Variants in RILPL2 observed in about 807,000 individuals in gnomAD.
RILPL2 encodes Rab interacting lysosomal protein like 2, also known as RILP-like protein 2.
RILPL2 carries 19 observed loss-of-function variants against 22.2 expected under a neutral mutation model. The observed-to-expected ratio is 0.86, with a 90% CI of 0.60 to 1.25. The LOEUF is 1.25. RILPL2 is among the 50% of genes most tolerant of loss of function. The pLI is 0.00. For missense variants in RILPL2, 243 were observed against 263.6 expected (o/e 0.92, Z 0.54); for synonymous variants, 123 against 111.6 (o/e 1.10, Z -0.64).
At chr12:123,425,790 C>T (rs1259654088) in intron 2 of RILPL2, among the ~76,000 whole-genome samples, 4 of 151,832 alleles carry the variant, frequency 2.6e-5, no homozygotes, top group Non-Finnish European at 5.9e-5. Context: ...GCTGGGATTA[C>T]AGGTGCACGC....
At chr12:123,430,979 G>A (rs1477103750) in intron 1 of RILPL2, among the ~76,000 whole-genome samples, 3 of 152,072 alleles carry the variant, frequency 2.0e-5, no homozygotes, top group African/African-American at 7.2e-5. Flanking sequence ...GATTACAGGC[G>A]TGAGCCACCG....
Position 123,436,543 on chromosome 12 carries a change from C to G in RILPL2, c.-123G>C, listed in dbSNP as rs982336434. On this transcript the variant is annotated 5_prime_UTR_variant, in exon 1 of 4. Transcript: ENST00000280571. This position sits in a 1 kb window ranked among gnomAD's most constrained non-coding sequence, Gnocchi z 6.7. ...CCCTACCTGCCCAATCAGCGCGGCC[C>G]GGGGGTGGGCCCGGGGGGATGGTGC... The G allele has an allele frequency of 7.0e-7, 1 of 1,429,364 alleles. No individual in the cohort carries two copies. Among genetic ancestry groups the G allele is most frequent in the African/African-American group, 1.4e-5 (1 of 69,946 alleles). The allele number at this position is 1,429,364 out of a possible 1,614,324, so 88.5% of individuals were successfully genotyped here. A position where few individuals can be genotyped will look rare whatever the true frequency, so the allele number is the denominator to read the frequency against.
At chr12:123,430,985 C>T (rs933222318) in intron 1 of RILPL2, among the ~76,000 whole-genome samples, 6 of 152,132 alleles carry the variant, frequency 3.9e-5, no homozygotes, top group African/African-American at 1.2e-4. Context: ...AGGCGTGAGC[C>T]ACCGCGCCCG....
At chr12:123,426,669 C>T (rs957160229) in intron 2 of RILPL2, among the ~76,000 whole-genome samples, 14 of 150,712 alleles carry the variant, frequency 9.3e-5, no homozygotes, top group African/African-American at 2.2e-4. Context: ...GGCGCGATCT[C>T]GGCTCACTGC....
rs1593498000 is a variant in RILPL2, at chr12:123,436,313, C to T, written c.108G>A (p.Leu36=). The T allele has an allele frequency of 1.9e-5, 30 of 1,587,346 alleles. No homozygotes were observed. The East Asian group carries it at 6.9e-4, about 37-fold the overall frequency. ...EGALGKSPFQ[L]TAEDVYDISY... is the part of the protein sequence containing the mutation. ...AGATGTCATACACGTCCTCGGCGGT[C>T]AGCTGGAAGGGGCTCTTGCCCAGCG... is the stretch of plus-strand genomic sequence containing the variant. Residue 36 remains leucine, a synonymous_variant, in exon 1 of 4, where the codon CTG becomes CTA. Transcript: ENST00000280571. The surrounding 1 kb of genome is among the most constrained non-coding windows in gnomAD (Gnocchi z 6.7).
downstream of RILPL2, chr12:123,412,629 T>C (rs1019172510): frequency 6.6e-6 from 1 of 152,172 alleles, no homozygotes; most frequent in African/African-American, 2.4e-5. Context: ...CTGAGGACCT[T>C]AGACAAGACT....
chr12:123,418,607 A>T (rs1199592514), intron 3 of RILPL2, among the ~76,000 whole-genome samples: 1 of 152,122 alleles, frequency 6.6e-6, no homozygotes, highest in Non-Finnish European at 1.5e-5. Context: ...TGTTGAATGA[A>T]TGGAGTACAG....
intron 2 of RILPL2, among the ~76,000 whole-genome samples, chr12:123,426,047 G>C (rs1251592586): frequency 6.6e-6 from 1 of 152,058 alleles, no homozygotes; most frequent in Non-Finnish European, 1.5e-5. Flanking sequence ...AGGCTCAAGT[G>C]TTCCTCCTGT....
rs1472519946 is a variant in RILPL2, at chr12:123,429,216, C to T, written c.491+1292G>A. On this transcript the variant is annotated intron_variant, in intron 2 of 3. Transcript: ENST00000280571. ...TGTTGCCCAGGCTGGCCTTGAATCCCTGGGCTCAAGTGATCCTCCCGCTTC... is the reference window on the plus strand; with the variant it reads ...TGTTGCCCAGGCTGGCCTTGAATCCTTGGGCTCAAGTGATCCTCCCGCTTC... Among the ~76,000 whole-genome samples the T allele has an allele frequency of 3.6e-4, 55 of 152,068 alleles. 1 individual carries two copies. Among genetic ancestry groups the T allele is most frequent in the Admixed American group, 3.6e-3 (55 of 15,234 alleles).
chr12:123,434,490 C>T (rs1327702725), intron 1 of RILPL2, among the ~76,000 whole-genome samples: 1 of 151,328 alleles, frequency 6.6e-6, no homozygotes, highest in African/African-American at 2.4e-5. Flanking sequence ...GTGGCGCGAT[C>T]TCGGCTCACT....
chr12:123,430,345 G>C (rs150847848), intron 2 of RILPL2, among the ~76,000 whole-genome samples, 163 bp downstream of exon 2: 10,250 of 151,902 alleles, frequency 0.067, 533 homozygotes, highest in East Asian at 0.27. Context: ...GGAGGCAGAG[G>C]TTGCAGTGAG....
At chr12:123,434,695 G>A (rs1011016217) in intron 1 of RILPL2, among the ~76,000 whole-genome samples, 2 of 151,736 alleles carry the variant, frequency 1.3e-5, no homozygotes, top group African/African-American at 4.8e-5. Context: ...CAAAGTGCTG[G>A]GATTACAGGC....
At chr12:123,430,215 C>A (rs1337701631) in intron 2 of RILPL2, among the ~76,000 whole-genome samples, 1 of 149,136 alleles carries the variant, frequency 6.7e-6, no homozygotes, top group Non-Finnish European at 1.5e-5. Flanking sequence ...CGAGACCATT[C>A]TGCCTAACAC....
At chr12:123,428,230 A>C (rs370296477) in intron 2 of RILPL2, among the ~76,000 whole-genome samples, 1 of 151,930 alleles carries the variant, frequency 6.6e-6, no homozygotes, top group Non-Finnish European at 1.5e-5. Context: ...TCCACCTCCC[A>C]GGTTCACACC....
intron 1 of RILPL2, among the ~76,000 whole-genome samples, chr12:123,434,161 G>GT (rs1185000701): frequency 6.6e-6 from 1 of 152,122 alleles, no homozygotes; most frequent in Non-Finnish European, 1.5e-5. Context: ...GCTCAGGCCT[G>GT]TAATCCCAGC....
In RILPL2 at chr12:123,436,207, G is replaced by A; in HGVS notation, c.214C>T (p.Leu72=). ...TTCACCAGCGCCTCCAGCATCTCCA[G>A]GACGCGGACGACTTTGAACTGCAGC... is the stretch of plus-strand genomic sequence containing the variant. The part of the protein sequence containing the change: ...TQLQFKVVRV[L]EMLEALVNEG... The change falls in exon 1 of 4, where the codon CTG becomes TTG. Residue 72 remains leucine (L), a synonymous_variant. Coordinates refer to ENST00000280571, the MANE Select transcript of RILPL2 (RefSeq NM_145058.3). This position sits in a 1 kb window ranked among gnomAD's most constrained non-coding sequence, Gnocchi z 6.7. 6.2e-7 allele frequency: 1 copy of A among 1,612,444 alleles called. No homozygotes were observed. The highest frequency in any genetic ancestry group is 8.5e-7 in the Non-Finnish European group (1 of 1,179,358).
chr12:123,409,933 C>T, the RILPL2 span, among the ~76,000 whole-genome samples: 7 of 151,944 alleles, frequency 4.6e-5, no homozygotes. Flanking sequence ...ACCATGTTGA[C>T]CAGGCTGGTT....
downstream of RILPL2, chr12:123,414,010 T>C (rs1879047363): frequency 6.5e-6 from 1 of 152,838 alleles, no homozygotes; most frequent in Non-Finnish European, 1.5e-5. Flanking sequence ...ACACAAAGGT[T>C]CTCCACGTCC....
intron 3 of RILPL2, 51 bp downstream of exon 3, chr12:123,422,993 T>C (rs1424199842): frequency 7.4e-7 from 1 of 1,349,080 alleles, no homozygotes; most frequent in Non-Finnish European, 1.1e-6. Context: ...CCCCGACTAC[T>C]TCCTTGAGTT....
Sources: allele counts gnomAD v4.1 joint callset (sites outside exome capture counted in the v4.1 genomes callset), GRCh38; gene constraint gnomAD v4.1.1; non-coding constraint Gnocchi (gnomAD v3.1); transcripts MANE v1.5; gene names NCBI Gene and HGNC (gene_info 2026-07-23, HGNC 2026-07-21).